KCNK18: variants seen among roughly 807,000 people sequenced by gnomAD.
KCNK18 encodes potassium two pore domain channel subfamily K member 18.
A neutral mutation model predicts 11.8 loss-of-function variants in KCNK18; 8 were observed. That is an observed-to-expected ratio of 0.68 (90% CI 0.40 to 1.22). The LOEUF is 1.22. Ranked by LOEUF, KCNK18 falls within the 50% of genes most tolerant of loss-of-function variation. The pLI is 0.01. For missense variants in KCNK18, 442 were observed against 465.4 expected, an observed-to-expected ratio of 0.95 and a Z score of 0.46; for synonymous variants, 208 against 185.8, an observed-to-expected ratio of 1.12 and a Z score of -0.97.
intron 2 of KCNK18, among the ~76,000 whole-genome samples, chr10:117,202,796 G>A (rs113087737): frequency 4.6e-5 from 7 of 151,952 alleles, no homozygotes; most frequent in African/African-American, 1.5e-4. Flanking sequence ...GTGGGCAACC[G>A]GTGTCTGCTG....
intron 1 of KCNK18, among the ~76,000 whole-genome samples, chr10:117,198,695 G>T (rs1293659708): frequency 6.6e-6 from 1 of 152,170 alleles, no homozygotes; most frequent in Non-Finnish European, 1.5e-5. Flanking sequence ...TGGTGTGGGG[G>T]CTCCTTCCAC....
intron 1 of KCNK18, 51 bp from the exon 2 acceptor site, chr10:117,201,108 T>C (rs1296800966): frequency 6.8e-6 from 11 of 1,612,338 alleles, no homozygotes; most frequent in East Asian, 2.2e-5. Context: ...GCGGGGCTTG[T>C]CTTTACCAGC....
At chr10:117,202,892 T>TTTTTG (rs1339510260) in intron 2 of KCNK18, among the ~76,000 whole-genome samples, 1 of 120,616 alleles carries the variant, frequency 8.3e-6, no homozygotes, top group Non-Finnish European at 1.8e-5. Flanking sequence ...AATGCTTTTT[T>TTTTTG]TTTTTTTTTT....
rs1854988018 is a variant in KCNK18, at chr10:117,199,436, C to T, written c.224-1723C>T. Reference sequence around the variant, plus strand: ...GATTTTCACTGGAGATTAAAATGTTCCATAAGGGTTAGTTGCATGTAGACC... The same window carrying T: ...GATTTTCACTGGAGATTAAAATGTTTCATAAGGGTTAGTTGCATGTAGACC... On this transcript the variant is annotated intron_variant, in intron 1 of 2. Transcript: ENST00000334549. 3.9e-5 allele frequency among the ~76,000 whole-genome samples: 6 copies of T among 152,286 alleles called. No individual in the cohort carries two copies. In the South Asian group the frequency reaches 1.2e-3, roughly 32 times the overall value.
intron 2 of KCNK18, among the ~76,000 whole-genome samples, chr10:117,206,005 G>A (rs1250790255): frequency 1.3e-5 from 2 of 151,908 alleles, no homozygotes; most frequent in Non-Finnish European, 2.9e-5. Context: ...AGCCAAGGTC[G>A]TGCACGCCTC....
intron 2 of KCNK18, among the ~76,000 whole-genome samples, chr10:117,206,579 C>T (rs78577059): frequency 0.01 from 1,590 of 152,232 alleles, 32 homozygotes; most frequent in African/African-American, 0.035. Flanking sequence ...AAGGCACTCC[C>T]CCATCTGCCA....
At chr10:117,205,847 C>A (rs1035512655) in intron 2 of KCNK18, among the ~76,000 whole-genome samples, 1 of 152,082 alleles carries the variant, frequency 6.6e-6, no homozygotes, top group African/African-American at 2.4e-5. Context: ...GTCAGGGGTT[C>A]GAGGCCAGCC....
chr10:117,206,561 C>A (rs1181892202), intron 2 of KCNK18, among the ~76,000 whole-genome samples: 1 of 152,132 alleles, frequency 6.6e-6, no homozygotes. Context: ...CAGCCTTCCA[C>A]ACTGATCAAG....
chr10:117,206,223 A>G (rs1352437420), intron 2 of KCNK18, among the ~76,000 whole-genome samples: 3 of 151,924 alleles, frequency 2.0e-5, no homozygotes, highest in African/African-American at 7.3e-5. Context: ...GCAGAGCCAT[A>G]CTCCCTCTAA....
intron 1 of KCNK18, among the ~76,000 whole-genome samples, chr10:117,200,302 T>C (rs1854997851): frequency 6.6e-6 from 1 of 152,162 alleles, no homozygotes; most frequent in African/African-American, 2.4e-5. Flanking sequence ...GGTCTTGAAC[T>C]CCTGACCTCA....
chr10:117,207,114 C>T (rs753971799), intron 2 of KCNK18, among the ~76,000 whole-genome samples: 42 of 152,230 alleles, frequency 2.8e-4, no homozygotes, highest in Admixed American at 1.6e-3. Flanking sequence ...CTGCAACCTC[C>T]GCCCCCTGGG....
intron 1 of KCNK18, among the ~76,000 whole-genome samples, chr10:117,199,140 G>A (rs1854984627): frequency 6.6e-6 from 1 of 152,162 alleles, no homozygotes; most frequent in African/African-American, 2.4e-5. Context: ...GCAACAAGGT[G>A]AGACCCTGTC....
At chr10:117,201,994 C>T (rs1855018424) in intron 2 of KCNK18, among the ~76,000 whole-genome samples, 1 of 152,232 alleles carries the variant, frequency 6.6e-6, no homozygotes, top group Non-Finnish European at 1.5e-5. Flanking sequence ...GGCGATGGAG[C>T]TGCCTTCAGC....
At chr10:117,200,755 C>G (rs565986336) in intron 1 of KCNK18, among the ~76,000 whole-genome samples, 1 of 150,916 alleles carries the variant, frequency 6.6e-6, no homozygotes, top group Non-Finnish European at 1.5e-5. Flanking sequence ...GAGGTTGCAG[C>G]GAGCCGAGAT....
At chr10:117,205,452 A>T (rs1161385472) in intron 2 of KCNK18, among the ~76,000 whole-genome samples, 1 of 152,196 alleles carries the variant, frequency 6.6e-6, no homozygotes, top group Non-Finnish European at 1.5e-5. Context: ...AGGCAGCCAA[A>T]AAGGCTTTGT....
At chr10:117,204,437 A>G (rs997319162) in intron 2 of KCNK18, among the ~76,000 whole-genome samples, 2 of 152,126 alleles carry the variant, frequency 1.3e-5, no homozygotes, top group Non-Finnish European at 2.9e-5. Context: ...ACCAGATGCA[A>G]TAGCACTTTC....
In KCNK18 at chr10:117,208,812, C is replaced by T. The variant is rs1320570885; in HGVS notation, c.353-685C>T. Among the ~76,000 whole-genome samples, 4 of 150,480 alleles carry T rather than the reference C, an allele frequency of 2.7e-5. No homozygotes were observed. The East Asian group carries it at 5.9e-4, about 22-fold the overall frequency. ...CTGGAGTGCAATGGCACAATCTTGG[C>T]TCACTGCAACCTCCACCTCCCGGCT... is the stretch of plus-strand genomic sequence containing the variant. On this transcript the variant is annotated intron_variant, in intron 2 of 2. Transcript: ENST00000334549.
rs374650107 is a variant in KCNK18, at chr10:117,209,743, C to A, written c.599C>A (p.Pro200His). The A allele has an allele frequency of 6.2e-7, 1 of 1,614,176 alleles. No homozygotes were observed. Among genetic ancestry groups the A allele is most frequent in the Non-Finnish European group, 8.5e-7 (1 of 1,180,046 alleles). Residue 200 changes from proline (P) to histidine (H), a missense_variant, in exon 3 of 3, where the codon CCT (proline) becomes CAT (histidine). By Grantham distance (77) the Pro-to-His change is moderately conservative. Transcript: ENST00000334549. ...CCCAAGCCCGCAGATGAAGCTGTCCCTCAGATCATCATCAGTGCTGAAGAG... is the reference window on the plus strand; with the variant it reads ...CCCAAGCCCGCAGATGAAGCTGTCCATCAGATCATCATCAGTGCTGAAGAG... ...PDPKPADEAVPQIIISAEELP... is the reference protein window; with the variant it reads ...PDPKPADEAVHQIIISAEELP...
At chr10:117,203,008 T>C (rs1359357412) in intron 2 of KCNK18, among the ~76,000 whole-genome samples, 1 of 149,678 alleles carries the variant, frequency 6.7e-6, no homozygotes, top group South Asian at 2.1e-4. Flanking sequence ...CCCAAGTAGC[T>C]GGGATTACAG....
Sources: allele counts gnomAD v4.1 joint callset (sites outside exome capture counted in the v4.1 genomes callset), GRCh38; gene constraint gnomAD v4.1.1; transcripts MANE v1.5; gene names NCBI Gene and HGNC (gene_info 2026-07-23, HGNC 2026-07-21).